Variants in MBD5 observed in about 807,000 individuals in gnomAD.
MBD5 encodes methyl-CpG binding domain protein 5.
In MBD5, 13 loss-of-function variants were observed where a neutral mutation model predicts 117.3. The observed-to-expected ratio is 0.11, with a 90% CI of 0.07 to 0.18. MBD5 has a LOEUF of 0.18. MBD5 is among the 10% of genes least tolerant of loss of function. The pLI, the probability that MBD5 is intolerant of heterozygous loss-of-function variation, is 1.00. For synonymous variants in MBD5, 727 were observed against 766.4 expected, an observed-to-expected ratio of 0.95 and a Z score of 0.85; for missense variants, 1,879 against 2,093.8, an observed-to-expected ratio of 0.90 and a Z score of 2.00.
chr2:148,102,664 TACACAC>T (rs113654978), intron 1 of MBD5, among the ~76,000 whole-genome samples: 9 of 143,682 alleles, frequency 6.3e-5, no homozygotes, highest in Admixed American at 1.4e-4. Context: ...TTGCTTATTT[TACACAC>T]ACACACACAC....
intron 3 of MBD5, among the ~76,000 whole-genome samples, chr2:148,238,629 T>C (rs1205865160): frequency 6.6e-6 from 1 of 152,226 alleles, no homozygotes; most frequent in Admixed American, 6.5e-5. Flanking sequence ...AAGTTTATTC[T>C]CTCACAGTTC....
At position 148,294,501 on chromosome 2, in the gene MBD5, G is replaced by GTTTGTTTTTTT. The variant is rs1553496237; in HGVS notation, c.-679-47710_-679-47709insGTTTTTTTTTT. 1.8e-5 allele frequency among the ~76,000 whole-genome samples: 2 copies of GTTTGTTTTTTT among 113,216 alleles called. 1 individual carries two copies. The highest frequency in any genetic ancestry group is 7.3e-5 in the African/African-American group (2 of 27,232). 74.3% of individuals were successfully genotyped at this position (113,216 alleles called of 152,430 possible). ...GGCCTCCCAAAGTGCTGGGATTACA[G>GTTTGTTTTTTT]TTTTTTTTTTTTTTTTTTTTGAGAT... On this transcript the variant is annotated intron_variant, in intron 3 of 13. Coordinates refer to ENST00000642680, the MANE Select transcript of MBD5 (RefSeq NM_001378120.1).
rs772647846 is a variant in MBD5, at chr2:148,470,405, C to T, written c.2462C>T (p.Thr821Ile). 1.9e-6 allele frequency: 3 copies of T among 1,612,924 alleles called. No individual in the cohort carries two copies. The highest frequency in any genetic ancestry group is 1.7e-5 in the Admixed American group (1 of 59,966). ...PPQSRISTSS[T>I]PVIPNSIVSS... ...CAGTCAAGAATTTCAACGTCCTCCA[C>T]TCCAGTGATACCAAACAGCATTGTT... The change falls in exon 8 of 14, where the codon ACT (threonine) becomes ATT (isoleucine). Residue 821 changes from threonine (T) to isoleucine (I), a missense_variant. By Grantham distance (89) the Thr-to-Ile change is moderately conservative. Coordinates refer to ENST00000642680, the MANE Select transcript of MBD5 (RefSeq NM_001378120.1).
intron 4 of MBD5, among the ~76,000 whole-genome samples, chr2:148,442,086 C>G (rs1009785785): frequency 1.3e-5 from 2 of 151,818 alleles, no homozygotes; most frequent in African/African-American, 4.9e-5. Flanking sequence ...AGTTTCTTTG[C>G]TGTGCAGAAG....
At position 148,380,971 on chromosome 2, in the gene MBD5, C is replaced by T. The variant is rs1021038644; in HGVS notation, c.-557+38635C>T. The stretch of plus-strand genomic sequence containing the variant: ...CATCCACACCAAAAACCCATCTGTA[C>T]GTCACCATCATCAAAGACCAAAGGT... On this transcript the variant is annotated intron_variant, in intron 4 of 13. Transcript: ENST00000642680. Among the ~76,000 whole-genome samples, 9 of 152,066 alleles carry T rather than the reference C, an allele frequency of 5.9e-5. No homozygotes were observed. The East Asian group carries it at 9.7e-4, about 16-fold the overall frequency.
intron 1 of MBD5, among the ~76,000 whole-genome samples, chr2:148,121,336 A>G (rs944143557): frequency 6.6e-6 from 1 of 152,132 alleles, no homozygotes; most frequent in Non-Finnish European, 1.5e-5. Flanking sequence ...TATTTTTCAC[A>G]TGTATAGCCT....
At chr2:148,149,541 T>C (rs1318547757) in intron 1 of MBD5, among the ~76,000 whole-genome samples, 2 of 151,038 alleles carry the variant, frequency 1.3e-5, no homozygotes, top group East Asian at 3.9e-4. Flanking sequence ...GTTGAACTAG[T>C]TTACAGTCCC....
intron 1 of MBD5, among the ~76,000 whole-genome samples, chr2:148,057,022 TTC>T (rs1477018675): frequency 6.6e-6 from 1 of 151,868 alleles, no homozygotes; most frequent in Non-Finnish European, 1.5e-5. Context: ...GTTCTTAATA[TTC>T]TCTTATTTGT....
At chr2:148,092,860 G>A (rs1695977535) in intron 1 of MBD5, among the ~76,000 whole-genome samples, 1 of 149,862 alleles carries the variant, frequency 6.7e-6, no homozygotes, top group South Asian at 2.1e-4. Context: ...ACTGAGGCCA[G>A]GAAGAAAGAA....
chr2:148,404,268 A>G (rs1163946079), intron 4 of MBD5, among the ~76,000 whole-genome samples: 1 of 152,126 alleles, frequency 6.6e-6, no homozygotes, highest in Non-Finnish European at 1.5e-5. Context: ...ATTAAGTGTT[A>G]CTAGAACAGT....
intron 3 of MBD5, among the ~76,000 whole-genome samples, chr2:148,262,992 A>T (rs6735365): frequency 1 from 152,052 of 152,336 alleles, 75,884 homozygotes; most frequent in Middle Eastern, 1. Flanking sequence ...ACTTTCTGAT[A>T]CATGAACACT....
chr2:148,154,317 A>G (rs1697793715), intron 1 of MBD5, among the ~76,000 whole-genome samples: 1 of 151,842 alleles, frequency 6.6e-6, no homozygotes, highest in African/African-American at 2.4e-5. Context: ...GTGCTGGGAG[A>G]ACCACTGCTC....
chr2:148,214,011 C>G (rs1035129891), intron 2 of MBD5, among the ~76,000 whole-genome samples: 13 of 152,080 alleles, frequency 8.5e-5, no homozygotes, highest in Non-Finnish European at 2.9e-5. Context: ...CTTCTTAGGC[C>G]TCTAGGATAT....
At chr2:148,493,341 A>T (rs1049410265) in intron 11 of MBD5, among the ~76,000 whole-genome samples, 1 of 152,244 alleles carries the variant, frequency 6.6e-6, no homozygotes, top group East Asian at 1.9e-4. Context: ...ATAAAAATCT[A>T]CGTTAACACA....
At chr2:148,178,947 A>G (rs1187176704) in intron 2 of MBD5, among the ~76,000 whole-genome samples, 154 bp downstream of exon 2, 2 of 152,234 alleles carry the variant, frequency 1.3e-5, no homozygotes, top group Admixed American at 6.5e-5. Context: ...ACAAATTTTT[A>G]TTCCATAATA....
At chr2:148,085,520 C>T (rs1015708070) in intron 1 of MBD5, among the ~76,000 whole-genome samples, 1 of 151,686 alleles carries the variant, frequency 6.6e-6, no homozygotes, top group Admixed American at 6.6e-5. Context: ...GTCAGGAGAT[C>T]GAGACCATCC....
intron 2 of MBD5, among the ~76,000 whole-genome samples, chr2:148,188,378 G>A (rs115011958): frequency 4.7e-4 from 72 of 152,180 alleles, no homozygotes; most frequent in African/African-American, 1.7e-3. Context: ...AATCAATAGA[G>A]GAGATAAAGT....
intron 1 of MBD5, among the ~76,000 whole-genome samples, chr2:148,064,052 A>G (rs900415717): frequency 6.6e-6 from 1 of 150,996 alleles, no homozygotes; most frequent in Non-Finnish European, 1.5e-5. Flanking sequence ...CCAAGCAGGG[A>G]GTCTTTATGC....
chr2:148,105,314 G>A (rs1037845194), intron 1 of MBD5, among the ~76,000 whole-genome samples: 4 of 151,438 alleles, frequency 2.6e-5, no homozygotes, highest in African/African-American at 7.3e-5. Context: ...TGCCTCCCAG[G>A]TTCAAGTGAT....
Sources: gnomAD v4.1 joint callset for allele counts (sites outside exome capture counted in the v4.1 genomes callset) on GRCh38, gnomAD v4.1.1 for gene constraint, MANE v1.5 for transcripts, NCBI Gene and HGNC (gene_info 2026-07-23, HGNC 2026-07-21) for gene names.